Variants in RABL6 observed in about 807,000 individuals in gnomAD.
The protein encoded by RABL6 is rab-like protein 6.
A neutral mutation model predicts 72.9 loss-of-function variants in RABL6; 28 were observed. The observed-to-expected ratio is 0.38, with a 90% CI of 0.28 to 0.53. The LOEUF is 0.53. RABL6 is among the 20% of genes least tolerant of loss of function. The pLI, the probability that RABL6 is intolerant of heterozygous loss-of-function variation, is 0.80. For missense variants in RABL6, 1,029 were observed against 1,008.4 expected (o/e 1.02, Z -0.28); for synonymous variants, 477 against 421.2 (o/e 1.13, Z -1.62).
chr9:136,829,648 G>A (rs1014704631), intron 5 of RABL6, among the ~76,000 whole-genome samples, 164 bp downstream of exon 5: 8 of 152,234 alleles, frequency 5.3e-5, no homozygotes, highest in Admixed American at 1.3e-4. Flanking sequence ...GCACTGGCCT[G>A]GATGTCGGGC....
chr9:136,823,573 G>T lies in RABL6; in HGVS notation c.179G>T (p.Trp60Leu), dbSNP rs1397192354. ...GDRNTGKTAL[W>L]HRLQGRPFVE... The stretch of plus-strand genomic sequence containing the variant: ...AGGAACACGGGCAAGACAGCGCTGT[G>T]GCACCGCCTGCAGGGCCGGCCGTTC... Residue 60 changes from tryptophan (W) to leucine (L), a missense_variant, in exon 2 of 15, where the codon TGG (tryptophan) becomes TTG (leucine). Physicochemically the swap from Trp to Leu is moderately conservative, Grantham distance 61. This residue lies in a region of RABL6 where 434 missense variants were observed against 536.1 expected (regional missense o/e 0.81). Coordinates refer to ENST00000311502, the MANE Select transcript of RABL6 (RefSeq NM_024718.5). 6.2e-7 allele frequency: 1 copy of T among 1,613,874 alleles called. No individual in the cohort carries two copies. Among genetic ancestry groups the T allele is most frequent in the Non-Finnish European group, 8.5e-7 (1 of 1,179,854 alleles).
At chr9:136,835,648 C>T in intron 7 of RABL6, 94 bp from the exon 8 acceptor site, 7 of 1,125,816 alleles carry the variant, frequency 6.2e-6, no homozygotes, top group Admixed American at 2.6e-5. Context: ...GTTTTGGCAG[C>T]AGGAGGCGTC....
In RABL6 at chr9:136,835,587, C is replaced by T. The variant is rs563374584; in HGVS notation, c.706-155C>T. On this transcript the variant is annotated intron_variant, in intron 7 of 14. Coordinates refer to ENST00000311502, the MANE Select transcript of RABL6 (RefSeq NM_024718.5). ...GGGCTTCTGTGGTTCAAGTGGGGCC[C>T]AGCGCAGAGCTCCATGAGTTGCTGA... is the stretch of plus-strand genomic sequence containing the variant. 173 of 633,886 alleles carry T rather than the reference C, an allele frequency of 2.7e-4. No homozygotes were observed. In the African/African-American group the frequency reaches 3.0e-3, roughly 11 times the overall value. 39.3% of individuals were successfully genotyped at this position (633,886 alleles called of 1,614,324 possible).
At chr9:136,829,298 A>G in intron 4 of RABL6, 95 bp from the exon 5 acceptor site, 1 of 905,738 alleles carries the variant, frequency 1.1e-6, no homozygotes, top group Non-Finnish European at 1.8e-6. Flanking sequence ...TTATCTTTTC[A>G]GATTAGAAGA....
At chr9:136,815,232 A>C in intron 1 of RABL6, 1 of 302,844 alleles carries the variant, frequency 3.3e-6, no homozygotes, top group South Asian at 3.2e-5. Context: ...AGCTGCTGCC[A>C]GTGCTTTGCC....
chr9:136,840,762 G>A lies in RABL6; in HGVS notation c.*240G>A, dbSNP rs1231452218. 7 of 1,548,124 alleles carry A rather than the reference G, an allele frequency of 4.5e-6. No individual in the cohort carries two copies. The South Asian group carries it at 7.1e-5, about 16-fold the overall frequency. ...ACAGCTGGCTTCAGCCAGGCTCGGT[G>A]GACACCCTGGCCCTCTCGGGGCAGA... is the stretch of plus-strand genomic sequence containing the variant. On this transcript the variant is annotated 3_prime_UTR_variant, in exon 15 of 15. Coordinates refer to ENST00000311502, the MANE Select transcript of RABL6 (RefSeq NM_024718.5).
At position 136,831,954 on chromosome 9, in the gene RABL6, G is replaced by A. The variant is rs80220337; in HGVS notation, c.599+93G>A. ...GGCAGAGGCCCAGGGAGGGGTTAAC[G>A]TTAGCATGGGGCCCGGCGGATGTGG... On this transcript the variant is annotated intron_variant, in intron 6 of 14. Transcript: ENST00000311502. The A allele has an allele frequency of 1.8e-3, 2,691 of 1,467,114 alleles. 42 individuals carry two copies. In the African/African-American group the frequency reaches 0.028, roughly 15 times the overall value. 90.9% of individuals were successfully genotyped at this position (1,467,114 alleles called of 1,614,324 possible). A position where few individuals can be genotyped will look rare whatever the true frequency, so the allele number is the denominator to read the frequency against.
In RABL6 at chr9:136,839,239, C is replaced by T. The variant is rs544871152; in HGVS notation, c.1511C>T (p.Ser504Leu). 71 of 1,600,262 alleles carry T rather than the reference C, an allele frequency of 4.4e-5. No individual in the cohort carries two copies. The highest frequency in any genetic ancestry group is 8.9e-5 in the South Asian group (8 of 89,724). The stretch of plus-strand genomic sequence containing the variant: ...CCACAAAGGTCCTCCATACCAGCTT[C>T]GAAGCCACGGAGGGGGACAGCTCCC... ...PETKWSSIPA[S>L]KPRRGTAPTR... is the part of the protein sequence containing the mutation. Residue 504 changes from serine to leucine, a missense_variant, in exon 12 of 15, where the codon TCG becomes TTG. Ser to Leu is a moderately radical substitution (Grantham distance 145, BLOSUM62 -2). This residue lies in a region of RABL6 where 595 missense variants were observed against 472.4 expected (regional missense o/e 1.26). Transcript: ENST00000311502.
chr9:136,835,385 T>C, intron 7 of RABL6: 1 of 189,450 alleles, frequency 5.3e-6, no homozygotes, highest in Non-Finnish European at 1.1e-5. Flanking sequence ...GAGGTGTGCG[T>C]GGCGGGGAGC....
rs1323153998 is a variant in RABL6, at chr9:136,837,487, C to T, written c.951C>T (p.Pro317=). ...CGGGGAGCTCCAGCCCCGGCACACC[C>T]CAGCCCGCCCCACAGCTGCCCCTCA... The part of the protein sequence containing the change: ...VSTGSSSPGT[P]QPAPQLPLNA... The change falls in exon 9 of 15, where the codon CCC becomes CCT. Residue 317 remains proline (P), a synonymous_variant. Transcript: ENST00000311502. The T allele has an allele frequency of 6.5e-7, 1 of 1,546,210 alleles. No individual in the cohort carries two copies. The highest frequency in any genetic ancestry group is 8.7e-7 in the Non-Finnish European group (1 of 1,149,678).
chr9:136,822,005 T>C (rs574541658), intron 1 of RABL6: 1 of 1,288,964 alleles, frequency 7.8e-7, no homozygotes, highest in African/African-American at 1.5e-5. Flanking sequence ...GTACCTAGGA[T>C]GGGCGAGGAA....
Position 136,818,362 on chromosome 9 carries a change from C to CAAAAAAAAAAAAAAAACAAA in RABL6, c.131-5147_131-5146insCAAAAAAAAAAAAAAAAAAA, listed in dbSNP as rs1564360779. Among the ~76,000 whole-genome samples the CAAAAAAAAAAAAAAAACAAA allele has an allele frequency of 5.3e-4, 8 of 15,008 alleles. 2 individuals are homozygous for CAAAAAAAAAAAAAAAACAAA. Among genetic ancestry groups the CAAAAAAAAAAAAAAAACAAA allele is most frequent in the Non-Finnish European group, 6.1e-4 (5 of 8,180 alleles). The allele number at this position is 15,008 out of a possible 152,430, so 9.8% of individuals were successfully genotyped here. ...TGGGCAACAAAACCAGACTCTGTCT[C>CAAAAAAAAAAAAAAAACAAA]AAAAAAAAAAAAAAAAAAAAAAAAA... is the stretch of plus-strand genomic sequence containing the variant. On this transcript the variant is annotated intron_variant, in intron 1 of 14. Transcript: ENST00000311502.
chr9:136,838,009 G>A lies in RABL6; in HGVS notation c.1274G>A (p.Ser425Asn). 1 of 1,561,438 alleles carries A rather than the reference G, an allele frequency of 6.4e-7. No homozygotes were observed. Among genetic ancestry groups the A allele is most frequent in the East Asian group, 2.4e-5 (1 of 41,654 alleles). Residue 425 changes from serine (S) to asparagine (N), a missense_variant, in exon 10 of 15, where the codon AGC (serine) becomes AAC (asparagine). By Grantham distance (46) the Ser-to-Asn change is conservative. Coordinates refer to ENST00000311502, the MANE Select transcript of RABL6 (RefSeq NM_024718.5). ...KVGAKAAQQD[S>N]DSDGEALGGN... ...GGGGCCAAGGCTGCCCAGCAGGACA[G>A]CGACAGGTGAGGGGTGGGCCTGGGC...
intron 4 of RABL6, among the ~76,000 whole-genome samples, chr9:136,828,869 C>A (rs1010939529): frequency 6.6e-6 from 1 of 152,222 alleles, no homozygotes; most frequent in Non-Finnish European, 1.5e-5. Flanking sequence ...ACACATCTCG[C>A]AGCGCCATGG....
rs192932419 is a variant in RABL6, at chr9:136,814,072, G to A, written c.130+5746G>A. 431 of 368,926 alleles carry A rather than the reference G, an allele frequency of 1.2e-3. 1 individual carries two copies. The highest frequency in any genetic ancestry group is 2.2e-3 in the South Asian group (89 of 40,594). The allele number at this position is 368,926 out of a possible 1,614,324, so 22.9% of individuals were successfully genotyped here. A position where few individuals can be genotyped will look rare whatever the true frequency, so the allele number is the denominator to read the frequency against. On this transcript the variant is annotated intron_variant, in intron 1 of 14. Transcript: ENST00000311502. ...GTCTTTCAAACCAGCGAGTTCCAAG[G>A]CTCTTTCCAGGTCTTCAGCAGCTTG...
intron 8 of RABL6, 103 bp downstream of exon 8, chr9:136,835,948 CCT>C (rs750255786): frequency 5.9e-4 from 687 of 1,161,204 alleles, no homozygotes; most frequent in Non-Finnish European, 6.5e-4. Context: ...GGGAGTGTCC[CCT>C]GTTTGGGGTA....
At chr9:136,831,583 G>T (rs766014812) in intron 5 of RABL6, 138 bp from the exon 6 acceptor site, 2 of 1,261,094 alleles carry the variant, frequency 1.6e-6, no homozygotes, top group Non-Finnish European at 2.2e-6. Context: ...CTGCATGCAC[G>T]AGGCATGCTT....
intron 1 of RABL6, among the ~76,000 whole-genome samples, chr9:136,819,532 A>G (rs1051203222): frequency 6.6e-6 from 1 of 152,166 alleles, no homozygotes; most frequent in African/African-American, 2.4e-5. Flanking sequence ...GTGGTGTATA[A>G]GAGACACATC....
At chr9:136,818,364 A>AAAAAAAAAAAAAAAC (rs1848163709) in intron 1 of RABL6, among the ~76,000 whole-genome samples, 2 of 24,964 alleles carry the variant, frequency 8.0e-5, no homozygotes, top group Non-Finnish European at 1.5e-4. Context: ...CTCTGTCTCA[A>AAAAAAAAAAAAAAAC]AAAAAAAAAA....
Sources: allele counts gnomAD v4.1 joint callset (sites outside exome capture counted in the v4.1 genomes callset), GRCh38; gene constraint gnomAD v4.1.1; regional missense constraint gnomAD v4.1.1; transcripts MANE v1.5; gene names NCBI Gene and HGNC (gene_info 2026-07-23, HGNC 2026-07-21).